The following FHL5 variants were observed in gnomAD, a reference collection of about 807,000 sequenced individuals.
FHL5 encodes the protein four and a half LIM domains 5, also known as four and a half LIM domains protein 5.
A neutral mutation model predicts 32.0 loss-of-function variants in FHL5; 33 were observed. That is an observed-to-expected ratio of 1.03 (90% CI 0.78 to 1.38). The LOEUF (loss-of-function observed/expected upper bound fraction) is 1.38. Among genes scored for constraint, FHL5 ranks in the 40% most tolerant of loss-of-function variants. The pLI, the probability that FHL5 is intolerant of heterozygous loss-of-function variation, is 0.00. For missense variants in FHL5, 336 were observed against 343.9 expected, an observed-to-expected ratio of 0.98 and a Z score of 0.18; for synonymous variants, 114 against 113.6, an observed-to-expected ratio of 1.00 and a Z score of -0.02.
intron 1 of FHL5, among the ~76,000 whole-genome samples, chr6:96,593,202 T>C (rs2127967889): frequency 6.6e-6 from 1 of 152,250 alleles, no homozygotes; most frequent in Non-Finnish European, 1.5e-5. Context: ...TGTTTTTAAT[T>C]CTCTGCAAAA....
intron 1 of FHL5, among the ~76,000 whole-genome samples, chr6:96,598,817 G>A (rs886907641): frequency 6.6e-6 from 1 of 152,150 alleles, no homozygotes; most frequent in East Asian, 1.9e-4. Flanking sequence ...TCTGCAGACA[G>A]TGTGTCTATT....
rs534862913 is a variant in FHL5, at chr6:96,615,715, C to T, written c.798C>T (p.Thr266=). 67 of 1,611,956 alleles carry T rather than the reference C, an allele frequency of 4.2e-5. No individual in the cohort carries two copies. The Admixed American group carries it at 9.0e-4, about 22-fold the overall frequency. ...SVSLVGKGFL[T]QNKEIFCQKC... is the part of the protein sequence containing the mutation. ...CCTTGGTGGGTAAAGGCTTCCTGAC[C>T]CAGAACAAGGAAATCTTCTGCCAAA... is the stretch of plus-strand genomic sequence containing the variant. The change falls in exon 6 of 6, where the codon ACC becomes ACT. Residue 266 remains threonine, a synonymous_variant. Coordinates refer to ENST00000450218, the MANE Select transcript of FHL5 (RefSeq NM_001322466.2).
Position 96,604,939 on chromosome 6 carries a change from G to T in FHL5, c.334+15G>T. 6.4e-7 allele frequency: 1 copy of T among 1,572,274 alleles called. No homozygotes were observed. On this transcript the variant is annotated intron_variant, in intron 3 of 5. Coordinates refer to ENST00000450218, the MANE Select transcript of FHL5 (RefSeq NM_001322466.2). ...CATCATGCCTGGTAGGGTCTCAAGG[G>T]GGCTCCTGTCTCTAACTGAAGCTGT...
chr6:96,591,911 A>T (rs1770926824), intron 1 of FHL5, among the ~76,000 whole-genome samples: 1 of 152,116 alleles, frequency 6.6e-6, no homozygotes. Flanking sequence ...GCAAGTTTTT[A>T]TTAGGGATTT....
At chr6:96,600,572 A>C (rs953809377) in intron 1 of FHL5, among the ~76,000 whole-genome samples, 2 of 150,978 alleles carry the variant, frequency 1.3e-5, no homozygotes, top group African/African-American at 4.9e-5. Context: ...GTCTCTCCTC[A>C]CTCTCCTTTC....
intron 1 of FHL5, among the ~76,000 whole-genome samples, chr6:96,580,590 A>G (rs1466735188): frequency 1.3e-5 from 2 of 151,990 alleles, no homozygotes; most frequent in African/African-American, 4.8e-5. Flanking sequence ...CCAGAAATGA[A>G]CTCTCCTTTT....
intron 1 of FHL5, among the ~76,000 whole-genome samples, chr6:96,595,255 G>C (rs1180509647): frequency 6.6e-6 from 1 of 151,638 alleles, no homozygotes; most frequent in Non-Finnish European, 1.5e-5. Flanking sequence ...TACAGGTCTA[G>C]AGTTTACTTA....
chr6:96,578,967 AAG>A (rs1416277946), intron 1 of FHL5, among the ~76,000 whole-genome samples: 2 of 152,228 alleles, frequency 1.3e-5, no homozygotes, highest in African/African-American at 4.8e-5. Context: ...TTTTTCTGAA[AAG>A]AGAGACTGGC....
chr6:96,591,113 CTGTT>C (rs765176163), intron 1 of FHL5, among the ~76,000 whole-genome samples: 114 of 152,136 alleles, frequency 7.5e-4, no homozygotes, highest in Non-Finnish European at 1.2e-3. Context: ...AGCATGTTCT[CTGTT>C]TGTACTTACT....
At chr6:96,604,224 C>A (rs992101972) in intron 2 of FHL5, among the ~76,000 whole-genome samples, 1 of 151,918 alleles carries the variant, frequency 6.6e-6, no homozygotes, top group Non-Finnish European at 1.5e-5. Context: ...ACCTACCACC[C>A]CTTCCTCCGA....
At chr6:96,584,352 G>A (rs1770752317) in intron 1 of FHL5, among the ~76,000 whole-genome samples, 2 of 152,058 alleles carry the variant, frequency 1.3e-5, no homozygotes, top group South Asian at 4.1e-4. Context: ...GAGGAGTCAT[G>A]TGTGACAACT....
At chr6:96,593,151 G>T (rs1235227783) in intron 1 of FHL5, among the ~76,000 whole-genome samples, 1 of 151,346 alleles carries the variant, frequency 6.6e-6, no homozygotes, top group Non-Finnish European at 1.5e-5. Flanking sequence ...TTAAATCATT[G>T]TATATTTCTG....
At chr6:96,589,161 G>T (rs1321440396) in intron 1 of FHL5, among the ~76,000 whole-genome samples, 2 of 151,966 alleles carry the variant, frequency 1.3e-5, no homozygotes, top group East Asian at 3.9e-4. Context: ...TATATGCATA[G>T]ATCTGATTTG....
At chr6:96,589,410 A>T (rs1770869555) in intron 1 of FHL5, among the ~76,000 whole-genome samples, 1 of 152,124 alleles carries the variant, frequency 6.6e-6, no homozygotes, top group Non-Finnish European at 1.5e-5. Flanking sequence ...CCTTGTATCA[A>T]GGAACTTGCT....
At chr6:96,596,805 T>C (rs1411849198) in intron 1 of FHL5, among the ~76,000 whole-genome samples, 2 of 152,114 alleles carry the variant, frequency 1.3e-5, no homozygotes, top group Admixed American at 1.3e-4. Flanking sequence ...GTTTAGTTCC[T>C]CAAATTCAAT....
intron 1 of FHL5, among the ~76,000 whole-genome samples, chr6:96,570,001 G>T (rs866475050): frequency 1.3e-4 from 20 of 151,548 alleles, no homozygotes; most frequent in African/African-American, 4.6e-4. Flanking sequence ...TAATCATTGT[G>T]GTTTGGTGGT....
At chr6:96,580,426 A>AAT (rs1770675303) in intron 1 of FHL5, among the ~76,000 whole-genome samples, 1 of 152,214 alleles carries the variant, frequency 6.6e-6, no homozygotes, top group African/African-American at 2.4e-5. Context: ...GAGAAGGTAG[A>AAT]ATATAAAAAG....
chr6:96,582,767 T>C (rs927618736), intron 1 of FHL5, among the ~76,000 whole-genome samples: 16 of 152,196 alleles, frequency 1.1e-4, no homozygotes, highest in African/African-American at 2.7e-4. Context: ...TTATTTTTGA[T>C]TGATGGCCTG....
chr6:96,595,064 CTTTT>C (rs1322840286), intron 1 of FHL5, among the ~76,000 whole-genome samples: 1 of 151,690 alleles, frequency 6.6e-6, no homozygotes, highest in Non-Finnish European at 1.5e-5. Flanking sequence ...CTTATTCTTT[CTTTT>C]TGTCTTCAGT....
Sources: gnomAD v4.1 joint callset for allele counts (sites outside exome capture counted in the v4.1 genomes callset) on GRCh38, gnomAD v4.1.1 for gene constraint, MANE v1.5 for transcripts, NCBI Gene and HGNC (gene_info 2026-07-23, HGNC 2026-07-21) for gene names.